NXF1: variants seen among roughly 807,000 people sequenced by gnomAD.
NXF1 encodes mRNA export factor TAP.
Under a neutral mutation model 92.4 loss-of-function variants are expected in NXF1, and 43 were observed. The ratio of observed to expected loss-of-function variants is 0.47; its 90% CI spans 0.36 to 0.60. NXF1 has a LOEUF of 0.60. Ranked by LOEUF, NXF1 falls within the 20% of genes least tolerant of loss-of-function variation. NXF1 has a pLI of 0.00. For missense variants in NXF1, 576 were observed against 793.0 expected (o/e 0.73, Z 3.29); for synonymous variants, 288 against 292.2 (o/e 0.99, Z 0.15).
At chr11:62,803,201 C>T (rs1421965869) in intron 3 of NXF1, among the ~76,000 whole-genome samples, 2 of 152,090 alleles carry the variant, frequency 1.3e-5, no homozygotes, top group African/African-American at 2.4e-5. Context: ...TGTCTGTAGT[C>T]CCAGCTACTC....
At chr11:62,799,776 C>A in intron 10 of NXF1, 1 of 985,840 alleles carries the variant, frequency 1.0e-6, no homozygotes, top group Non-Finnish European at 1.2e-6. Flanking sequence ...CAGGTTTCTT[C>A]TTCAGGGAGA....
At chr11:62,802,412 C>G in intron 3 of NXF1, 152 bp from the exon 4 acceptor site, 1 of 625,886 alleles carries the variant, frequency 1.6e-6, no homozygotes, top group East Asian at 2.8e-5. Context: ...CACATAGATT[C>G]TTTAACTCCT....
rs4693 is a variant in NXF1, at chr11:62,796,537, T to C, written c.1209A>G (p.Arg403=). 968,764 of 1,612,592 alleles carry C rather than the reference T, an allele frequency of 0.6. 296,638 individuals carry two copies. Among genetic ancestry groups the C allele is most frequent in the Non-Finnish European group, 0.63 (746,385 of 1,178,850 alleles). The change falls in exon 14 of 21, where the codon CGA becomes CGG. Residue 403 remains arginine (R), a synonymous_variant. Transcript: ENST00000294172. ...QYYAIYDSGD[R]QGLLDAYHDG... ...CATGGTAGGCATCCAGGAGCCCTTGTCGGTCTCCAGAGTCGTAAATTGCAT... is the reference window on the plus strand; with the variant it reads ...CATGGTAGGCATCCAGGAGCCCTTGCCGGTCTCCAGAGTCGTAAATTGCAT...
chr11:62,796,541 T>A lies in NXF1; in HGVS notation c.1205A>T (p.Asp402Val). The A allele has an allele frequency of 6.2e-7, 1 of 1,613,608 alleles. No homozygotes were observed. Among genetic ancestry groups the A allele is most frequent in the Non-Finnish European group, 8.5e-7 (1 of 1,179,676 alleles). The change falls in exon 14 of 21, where the codon GAC (aspartate) becomes GTC (valine). Residue 402 changes from aspartate (D) to valine (V), a missense_variant. Physicochemically the swap from Asp to Val is radical, Grantham distance 152. Transcript: ENST00000294172. ...GTAGGCATCCAGGAGCCCTTGTCGG[T>A]CTCCAGAGTCGTAAATTGCATAGTA... ...QQYYAIYDSG[D>V]RQGLLDAYHD...
chr11:62,792,971 T>G (rs1054230654), intron 19 of NXF1, among the ~76,000 whole-genome samples: 1 of 152,230 alleles, frequency 6.6e-6, no homozygotes, highest in Non-Finnish European at 1.5e-5. Flanking sequence ...AGAAACTAAG[T>G]TGCAGAACAG....
At chr11:62,799,161 G>A (rs1207540310) in intron 10 of NXF1, 47 of 984,612 alleles carry the variant, frequency 4.8e-5, no homozygotes, top group Non-Finnish European at 5.7e-5. Context: ...GACAGAAAAA[G>A]GAAAGAGAAA....
intron 13 of NXF1, 29 bp downstream of exon 13, chr11:62,797,154 G>A (rs1179257585): frequency 1.2e-6 from 2 of 1,605,382 alleles, no homozygotes; most frequent in Non-Finnish European, 1.7e-6. Context: ...CAACCTCGGG[G>A]TGGGGAGGGG....
At chr11:62,803,663 C>T (rs1359810790) in intron 2 of NXF1, 91 bp from the exon 3 acceptor site, 56 of 1,554,638 alleles carry the variant, frequency 3.6e-5, no homozygotes, top group Admixed American at 1.5e-4. Flanking sequence ...ACAACTAAGA[C>T]TGTTTAATCA....
chr11:62,795,813 G>A, intron 17 of NXF1, 88 bp downstream of exon 17: 6 of 1,284,388 alleles, frequency 4.7e-6, no homozygotes, highest in Non-Finnish European at 6.7e-6. Context: ...AAATGGGAGA[G>A]AAAGTAGCTG....
At chr11:62,798,450 A>G (rs1188964601) in intron 11 of NXF1, 89 bp downstream of exon 11, 2 of 1,509,068 alleles carry the variant, frequency 1.3e-6, no homozygotes, top group Non-Finnish European at 8.9e-7. Flanking sequence ...AAAAAAAAAA[A>G]GAAAAAGAAA....
At chr11:62,798,023 C>T (rs563194274) in intron 11 of NXF1, among the ~76,000 whole-genome samples, 2 of 151,462 alleles carry the variant, frequency 1.3e-5, no homozygotes, top group African/African-American at 4.9e-5. Context: ...ATCCCAGCTA[C>T]TCAGGAGGCT....
Position 62,801,991 on chromosome 11 carries a change from G to C in NXF1, c.509C>G (p.Ser170Cys). Residue 170 changes from serine (S) to cysteine (C), a missense_variant, in exon 5 of 21, where the codon TCT becomes TGT. Physicochemically the swap from Ser to Cys is moderately radical, Grantham distance 112. Around this residue, in one of 2 missense-constraint regions of NXF1, gnomAD observed 425 missense variants for 635.2 expected, o/e 0.67. Transcript: ENST00000294172. ...CTTATAGTTGACAGCCTTCAATGCA[G>C]AGGCAGTACTGGCGTCTTCAACGAA... Reference protein sequence around the residue: ...QFFVEDASTASALKAVNYKIL... With the variant: ...QFFVEDASTACALKAVNYKIL... The C allele has an allele frequency of 6.2e-7, 1 of 1,614,254 alleles. No homozygotes were observed. The highest frequency in any genetic ancestry group is 1.1e-5 in the South Asian group (1 of 91,090).
rs922734085 is a variant in NXF1 at position 62,803,686 on chromosome 11, T to C, written c.215+106A>G. The C allele has an allele frequency of 1.0e-5, 16 of 1,542,210 alleles. No individual in the cohort carries two copies. In the Admixed American group the frequency reaches 1.4e-4, roughly 13 times the overall value. On this transcript the variant is annotated intron_variant, in intron 2 of 20. Transcript: ENST00000294172. ...GACTGTTTAATCACTAAGCTAGTCC[T>C]GGCATTTCTCACTCTAACAGGTGGG...
intron 2 of NXF1, 49 bp downstream of exon 2, chr11:62,803,743 T>C: frequency 4.4e-6 from 7 of 1,587,552 alleles, no homozygotes; most frequent in Non-Finnish European, 6.0e-6. Flanking sequence ...AAAAGGGCCA[T>C]ATAATCTCAT....
In NXF1 at chr11:62,801,924, C is replaced by T. The variant is rs577923186; in HGVS notation, c.558+18G>A. On this transcript the variant is annotated intron_variant, in intron 5 of 20. Coordinates refer to ENST00000294172, the MANE Select transcript of NXF1 (RefSeq NM_006362.5). ...CACCAACCTCCACCTCCAGCCAAGCCAGGCCCTTTAAACACACCCTTCGGT... is the reference window on the plus strand; with the variant it reads ...CACCAACCTCCACCTCCAGCCAAGCTAGGCCCTTTAAACACACCCTTCGGT... 84 of 1,613,002 alleles carry T rather than the reference C, an allele frequency of 5.2e-5. No homozygotes were observed. The South Asian group carries it at 9.0e-4, about 17-fold the overall frequency.
At chr11:62,792,609 A>T in intron 20 of NXF1, 32 bp downstream of exon 20, 2 of 1,613,954 alleles carry the variant, frequency 1.2e-6, no homozygotes, top group Non-Finnish European at 1.7e-6. Flanking sequence ...CAGAGATCCT[A>T]GTCTTTTTGC....
chr11:62,801,674 T>A, intron 6 of NXF1, 43 bp from the exon 7 acceptor site: 1 of 1,594,062 alleles, frequency 6.3e-7, no homozygotes, highest in Non-Finnish European at 8.6e-7. Flanking sequence ...GGTTTGTGTG[T>A]GGGGGGTGGG....
chr11:62,796,242 C>G (rs758407665), intron 15 of NXF1, 45 bp downstream of exon 15: 1 of 1,613,166 alleles, frequency 6.2e-7, no homozygotes, highest in Non-Finnish European at 8.5e-7. Context: ...TGACTGATTC[C>G]TTCCCATGCC....
Position 62,801,218 on chromosome 11 carries a change from G to A in NXF1, c.799-17C>T. On this transcript the variant is annotated splice_polypyrimidine_tract_variant and intron_variant, in intron 8 of 20. Coordinates refer to ENST00000294172, the MANE Select transcript of NXF1 (RefSeq NM_006362.5). Reference sequence around the variant, plus strand: ...GGACAATAGCTGTGAGGAGAGAAGAGTTTAGAGGAGGCACCACCAGCAAGT... The same window carrying A: ...GGACAATAGCTGTGAGGAGAGAAGAATTTAGAGGAGGCACCACCAGCAAGT... The A allele has an allele frequency of 1.2e-6, 2 of 1,611,626 alleles. No homozygotes were observed. Among genetic ancestry groups the A allele is most frequent in the South Asian group, 1.1e-5 (1 of 91,014 alleles).
Sources: allele counts gnomAD v4.1 joint callset (sites outside exome capture counted in the v4.1 genomes callset), GRCh38; gene constraint gnomAD v4.1.1; regional missense constraint gnomAD v4.1.1; transcripts MANE v1.5; gene names NCBI Gene and HGNC (gene_info 2026-07-23, HGNC 2026-07-21).